DNM3: variants seen among roughly 807,000 people sequenced by gnomAD.
DNM3 encodes dynamin 3.
DNM3 carries 47 observed loss-of-function variants against 101.6 expected under a neutral mutation model. That is an observed-to-expected ratio of 0.46 (90% CI 0.37 to 0.59). DNM3 has a LOEUF of 0.59. Among genes scored for constraint, DNM3 ranks in the 20% least tolerant of loss-of-function variants. The probability of loss-of-function intolerance (pLI) is 0.00; values close to 1 mark genes in which losing one functional copy is unlikely to be tolerated. For synonymous variants in DNM3, 385 were observed against 387.9 expected (o/e 0.99, Z 0.09); for missense variants, 849 against 1,085.7 (o/e 0.78, Z 3.06).
chr1:172,043,351 G>A (rs1350626511), intron 8 of DNM3, among the ~76,000 whole-genome samples: 1 of 152,158 alleles, frequency 6.6e-6, no homozygotes, highest in Non-Finnish European at 1.5e-5. Flanking sequence ...GATGTGCTAA[G>A]CGTAAAATGC....
chr1:172,357,256 A>G (rs1040184297), intron 17 of DNM3, among the ~76,000 whole-genome samples: 3 of 152,114 alleles, frequency 2.0e-5, no homozygotes, highest in African/African-American at 7.2e-5. Flanking sequence ...ATATTCACAT[A>G]GCCTCAAATA....
intron 15 of DNM3, among the ~76,000 whole-genome samples, chr1:172,257,468 T>A (rs1479784105): frequency 6.6e-6 from 1 of 152,154 alleles, no homozygotes; most frequent in Non-Finnish European, 1.5e-5. Context: ...TCCTGGTGAC[T>A]TAAAAAATAA....
In DNM3 at chr1:172,214,519, C is replaced by CT. The variant is rs939008877; in HGVS notation, c.1660-39054_1660-39053insT. Among the ~76,000 whole-genome samples the CT allele has an allele frequency of 1.6e-4, 25 of 151,686 alleles. 1 individual carries two copies. The highest frequency in any genetic ancestry group is 3.1e-4 in the Non-Finnish European group (21 of 67,898). ...TATACACATACACACACCTCATCCC[C>CT]CCCACACACAAATAATTGGCATACG... On this transcript the variant is annotated intron_variant, in intron 14 of 20. Transcript: ENST00000627582.
At chr1:172,343,993 A>G (rs2066813405) in intron 17 of DNM3, among the ~76,000 whole-genome samples, 2 of 152,118 alleles carry the variant, frequency 1.3e-5, no homozygotes, top group African/African-American at 2.4e-5. Flanking sequence ...CAGCTGGTCA[A>G]TTTGGAACGC....
intron 15 of DNM3, among the ~76,000 whole-genome samples, chr1:172,262,994 A>G (rs765332133): frequency 3.3e-5 from 5 of 152,188 alleles, no homozygotes; most frequent in Non-Finnish European, 7.4e-5. Context: ...GGAGGAGGCA[A>G]TTGATAATTC....
chr1:172,012,594 C>T (rs2047202299), intron 4 of DNM3, among the ~76,000 whole-genome samples: 1 of 151,706 alleles, frequency 6.6e-6, no homozygotes, highest in South Asian at 2.1e-4. Context: ...TCTAAATTTC[C>T]TTATTTTTGA....
In DNM3 at chr1:172,332,045, A is replaced by G. The variant is rs2066211832; in HGVS notation, c.1893+8705A>G. On this transcript the variant is annotated intron_variant, in intron 17 of 20. Coordinates refer to ENST00000627582, the MANE Select transcript of DNM3 (RefSeq NM_015569.5). ...GAGAGAAAGGGCAAAATCAAAAAAAAAGCTTATTGGGTCTTAGACAATGGG... is the reference window on the plus strand; with the variant it reads ...GAGAGAAAGGGCAAAATCAAAAAAAGAGCTTATTGGGTCTTAGACAATGGG... Among the ~76,000 whole-genome samples the G allele has an allele frequency of 2.0e-5, 3 of 152,296 alleles. 1 individual carries two copies. Among genetic ancestry groups the G allele is most frequent in the Middle Eastern group, 6.8e-3 (2 of 294 alleles).
intron 14 of DNM3, among the ~76,000 whole-genome samples, chr1:172,249,173 G>C (rs2062071981): frequency 6.6e-6 from 1 of 152,058 alleles, no homozygotes. Flanking sequence ...TCTCCTTCTA[G>C]TGCCTAAGTT....
intron 15 of DNM3, among the ~76,000 whole-genome samples, chr1:172,297,367 T>C (rs556084224): frequency 6.6e-6 from 1 of 152,254 alleles, no homozygotes; most frequent in Admixed American, 6.5e-5. Flanking sequence ...TGTTTCTCAT[T>C]TGCAATCTTG....
At chr1:172,324,545 A>G (rs1158966596) in intron 17 of DNM3, among the ~76,000 whole-genome samples, 1 of 152,222 alleles carries the variant, frequency 6.6e-6, no homozygotes, top group Non-Finnish European at 1.5e-5. Context: ...GTGAAGGAGT[A>G]AAGAGGTGAA....
intron 14 of DNM3, among the ~76,000 whole-genome samples, chr1:172,205,618 T>C (rs1357094810): frequency 6.6e-6 from 1 of 152,106 alleles, no homozygotes; most frequent in Non-Finnish European, 1.5e-5. Flanking sequence ...GCTTTATATT[T>C]TTGCACATCT....
intron 2 of DNM3, among the ~76,000 whole-genome samples, chr1:171,951,817 G>A (rs1408953297): frequency 6.6e-6 from 1 of 152,190 alleles, no homozygotes; most frequent in Non-Finnish European, 1.5e-5. Flanking sequence ...GCCTCAAGAA[G>A]TCCTGAGAAA....
intron 15 of DNM3, among the ~76,000 whole-genome samples, chr1:172,301,588 A>T (rs191990106): frequency 1.3e-5 from 2 of 152,340 alleles, no homozygotes; most frequent in East Asian, 3.9e-4. Context: ...AGTAAATGTG[A>T]CAAGTGCTCA....
intron 1 of DNM3, among the ~76,000 whole-genome samples, chr1:171,883,922 A>G (rs1031635513): frequency 3.3e-5 from 5 of 152,218 alleles, no homozygotes; most frequent in African/African-American, 9.7e-5. Flanking sequence ...CCTCTCTCTT[A>G]TAAGGGTTTG....
intron 1 of DNM3, among the ~76,000 whole-genome samples, chr1:171,871,968 A>G (rs1211276227): frequency 6.6e-6 from 1 of 151,194 alleles, no homozygotes; most frequent in African/African-American, 2.4e-5. Context: ...AATTTAGCCA[A>G]CAATTGCTAA....
intron 14 of DNM3, among the ~76,000 whole-genome samples, chr1:172,203,988 T>G (rs778652512): frequency 1.5e-4 from 23 of 152,170 alleles, no homozygotes; most frequent in Non-Finnish European, 2.5e-4. Context: ...GTAAAATGGC[T>G]GGTACCAAGG....
intron 1 of DNM3, among the ~76,000 whole-genome samples, chr1:171,847,402 G>C (rs1222026416): frequency 1.3e-5 from 2 of 152,154 alleles, no homozygotes; most frequent in Non-Finnish European, 2.9e-5. Context: ...ATGTACTGAA[G>C]TATCTATGTC....
chr1:172,361,183 C>T (rs2067722158), intron 17 of DNM3, among the ~76,000 whole-genome samples: 1 of 151,890 alleles, frequency 6.6e-6, no homozygotes. Flanking sequence ...CAGAAAGAAC[C>T]AGTAAGGCTT....
chr1:172,418,398 G>A (rs974043991), exon 21 of DNM3: 22 of 1,141,700 alleles, frequency 1.9e-5, no homozygotes, highest in Admixed American at 3.7e-5. Flanking sequence ...ACTATATGTC[G>A]TATGTACATA....
Sources: gnomAD v4.1 joint callset for allele counts (sites outside exome capture counted in the v4.1 genomes callset) on GRCh38, gnomAD v4.1.1 for gene constraint, MANE v1.5 for transcripts, NCBI Gene and HGNC (gene_info 2026-07-23, HGNC 2026-07-21) for gene names.